ADGRL2: variants seen among roughly 807,000 people sequenced by gnomAD.
The protein encoded by ADGRL2 is calcium-independent alpha-latrotoxin receptor 2.
Under a neutral mutation model 157.4 loss-of-function variants are expected in ADGRL2, and 44 were observed. The observed-to-expected ratio is 0.28, with a 90% CI of 0.22 to 0.36. ADGRL2 has a LOEUF of 0.36. Among genes scored for constraint, ADGRL2 ranks in the 10% least tolerant of loss-of-function variants. The pLI is 1.00. For synonymous variants in ADGRL2, 585 were observed against 624.7 expected (o/e 0.94, Z 0.95); for missense variants, 1,510 against 1,768.9 (o/e 0.85, Z 2.63).
intron 2 of ADGRL2, among the ~76,000 whole-genome samples, chr1:81,527,524 C>G (rs2079489678): frequency 6.6e-6 from 1 of 151,870 alleles, no homozygotes; most frequent in African/African-American, 2.4e-5. Flanking sequence ...CCAGCCTGGC[C>G]AACATGGAGA....
At position 81,985,249 on chromosome 1, in the gene ADGRL2, G is replaced by A. The variant is rs750193100; in HGVS notation, c.3412-10G>A. 3 of 1,482,116 alleles carry A rather than the reference G, an allele frequency of 2.0e-6. No individual in the cohort carries two copies. Among genetic ancestry groups the A allele is most frequent in the African/African-American group, 1.4e-5 (1 of 71,924 alleles). The allele number at this position is 1,482,116 out of a possible 1,614,324, so 91.8% of individuals were successfully genotyped here. A position where few individuals can be genotyped will look rare whatever the true frequency, so the allele number is the denominator to read the frequency against. ...CAAAACATATTTGTCTTGCTGTTTT[G>A]TATTAATAGAGTCGTATAAGAAGAA... On this transcript the variant is annotated splice_polypyrimidine_tract_variant and intron_variant, in intron 20 of 23. Transcript: ENST00000686636.
intron 1 of ADGRL2, among the ~76,000 whole-genome samples, chr1:81,727,591 C>A (rs2149161071): frequency 6.6e-6 from 1 of 152,184 alleles, no homozygotes; most frequent in South Asian, 2.1e-4. Flanking sequence ...CGCCACCATA[C>A]CCAGCTAATT....
chr1:81,868,061 G>T (rs576809587), intron 2 of ADGRL2, among the ~76,000 whole-genome samples: 1 of 6,110 alleles, frequency 1.6e-4, no homozygotes, highest in East Asian at 3.6e-3. Context: ...TGTGTGTGTG[G>T]TGTGTGTGTG....
chr1:81,367,694 A>G (rs757229573), intron 1 of ADGRL2, among the ~76,000 whole-genome samples: 4 of 152,156 alleles, frequency 2.6e-5, no homozygotes, highest in Non-Finnish European at 4.4e-5. Context: ...CTGGGATTAC[A>G]GGCATGTGCC....
At chr1:81,463,628 T>G (rs1316357300) in intron 2 of ADGRL2, among the ~76,000 whole-genome samples, 2 of 152,162 alleles carry the variant, frequency 1.3e-5, no homozygotes, top group African/African-American at 4.8e-5. Context: ...TTGGTCTTGT[T>G]TTATGTGTCG....
chr1:81,762,619 G>GA (rs979395851), intron 2 of ADGRL2, among the ~76,000 whole-genome samples: 1 of 151,486 alleles, frequency 6.6e-6, no homozygotes, highest in East Asian at 1.9e-4. Flanking sequence ...TCTCATTGTA[G>GA]AAAAAAAAGT....
At chr1:81,326,843 T>C (rs1035384759) in intron 1 of ADGRL2, among the ~76,000 whole-genome samples, 2 of 152,222 alleles carry the variant, frequency 1.3e-5, no homozygotes, top group Non-Finnish European at 2.9e-5. Context: ...TAATCAGATA[T>C]GTTTTAAATC....
intron 2 of ADGRL2, among the ~76,000 whole-genome samples, chr1:81,452,671 A>T (rs2077724054): frequency 6.6e-6 from 1 of 152,312 alleles, no homozygotes; most frequent in East Asian, 1.9e-4. Context: ...CATTTCCTGC[A>T]CCTTATATAT....
chr1:81,987,734 T>C (rs1220718058), intron 22 of ADGRL2, 135 bp from the exon 23 acceptor site: 1 of 198,606 alleles, frequency 5.0e-6, no homozygotes, highest in Non-Finnish European at 1.1e-5. Flanking sequence ...TAATCTTTAT[T>C]TGTGATGAAT....
At chr1:81,647,711 A>C (rs2082340911) in intron 3 of ADGRL2, among the ~76,000 whole-genome samples, 1 of 152,170 alleles carries the variant, frequency 6.6e-6, no homozygotes. Context: ...TTTAAGGTGC[A>C]CTCTCAACAA....
chr1:81,637,803 A>G (rs558836150), intron 3 of ADGRL2, among the ~76,000 whole-genome samples: 1 of 152,170 alleles, frequency 6.6e-6, no homozygotes, highest in Non-Finnish European at 1.5e-5. Flanking sequence ...GAGATTAATC[A>G]TACACATTTC....
rs182047266 is a variant in ADGRL2, at chr1:81,957,329, A to G, written c.2017+1269A>G. On this transcript the variant is annotated intron_variant, in intron 11 of 23. Coordinates refer to ENST00000686636, the MANE Select transcript of ADGRL2 (RefSeq NM_001366006.2). ...TATAGATCCAAGATATTTTTATCCC[A>G]GTTTGAGATATATTCTGAACAATTA... 2.6e-3 allele frequency among the ~76,000 whole-genome samples: 398 copies of G among 152,306 alleles called. 4 individuals carry two copies. The highest frequency in any genetic ancestry group is 8.7e-4 in the Non-Finnish European group (59 of 68,034).
intron 2 of ADGRL2, among the ~76,000 whole-genome samples, chr1:81,772,479 A>T (rs918382672): frequency 6.6e-6 from 1 of 152,078 alleles, no homozygotes; most frequent in African/African-American, 2.4e-5. Context: ...CTGTAATCCC[A>T]GCACTGTGGG....
chr1:81,955,794 T>TA, intron 10 of ADGRL2, 83 bp from the exon 11 acceptor site: 1 of 787,246 alleles, frequency 1.3e-6, no homozygotes, highest in Non-Finnish European at 2.0e-6. Context: ...AGATAAATAT[T>TA]ACAATTGTCA....
intron 4 of ADGRL2, among the ~76,000 whole-genome samples, chr1:81,941,074 A>G (rs1334799361): frequency 2.6e-5 from 4 of 151,196 alleles, no homozygotes; most frequent in Middle Eastern, 3.2e-3. Context: ...CTTGCTTTCT[A>G]TGTAAATTGA....
chr1:81,401,426 G>GAT (rs11281934), intron 1 of ADGRL2, among the ~76,000 whole-genome samples: 5 of 152,070 alleles, frequency 3.3e-5, no homozygotes, highest in South Asian at 2.1e-4. Context: ...GTTCCCAGCT[G>GAT]CGGGAAGATG....
intron 1 of ADGRL2, among the ~76,000 whole-genome samples, chr1:81,441,074 C>G (rs2077499777): frequency 6.6e-6 from 1 of 152,138 alleles, no homozygotes; most frequent in Non-Finnish European, 1.5e-5. Context: ...TTTGTGTCTT[C>G]CCTCCATGAC....
intron 1 of ADGRL2, among the ~76,000 whole-genome samples, chr1:81,760,822 A>T (rs1222387654): frequency 1.3e-5 from 2 of 151,312 alleles, no homozygotes; most frequent in African/African-American, 4.8e-5. Context: ...CTGTGTTTAA[A>T]TTTTTTTTAC....
chr1:81,601,984 A>C (rs1445987912), intron 3 of ADGRL2, among the ~76,000 whole-genome samples: 1 of 152,198 alleles, frequency 6.6e-6, no homozygotes, highest in Non-Finnish European at 1.5e-5. Flanking sequence ...CTGAGTGTGG[A>C]AGAGCCTGAG....
Sources: gnomAD v4.1 joint callset for allele counts (sites outside exome capture counted in the v4.1 genomes callset) on GRCh38, gnomAD v4.1.1 for gene constraint, MANE v1.5 for transcripts, NCBI Gene and HGNC (gene_info 2026-07-23, HGNC 2026-07-21) for gene names.